Variants in CCDC7 observed in about 807,000 individuals in gnomAD.
CCDC7 encodes coiled-coil domain containing 7.
A neutral mutation model predicts 196.9 loss-of-function variants in CCDC7; 183 were observed. The ratio of observed to expected loss-of-function variants is 0.93; its 90% CI spans 0.82 to 1.05. The LOEUF (loss-of-function observed/expected upper bound fraction) is 1.05, where lower values mean the gene tolerates loss of function less well. Among genes scored for constraint, CCDC7 ranks in the 50% least tolerant of loss-of-function variants. The pLI, the probability that CCDC7 is intolerant of heterozygous loss-of-function variation, is 0.00. For missense variants in CCDC7, 1,540 were observed against 1,482.2 expected, an observed-to-expected ratio of 1.04 and a Z score of -0.64; for synonymous variants, 525 against 484.6, an observed-to-expected ratio of 1.08 and a Z score of -1.10.
chr10:32,879,083 A>G (rs1192068697), downstream of CCDC7, among the ~76,000 whole-genome samples: 1 of 152,026 alleles, frequency 6.6e-6, no homozygotes, highest in African/African-American at 2.4e-5. Flanking sequence ...GTTCTGAGAT[A>G]CATGTGTAGG....
exon 32 of CCDC7, chr10:32,824,545 C>T: frequency 6.2e-7 from 1 of 1,611,650 alleles, no homozygotes; most frequent in Non-Finnish European, 8.5e-7. Flanking sequence ...CATAGTACAA[C>T]TGAGAGAGGT....
At chr10:32,475,093 G>C (rs1269850470) in intron 8 of CCDC7, among the ~76,000 whole-genome samples, 1 of 152,146 alleles carries the variant, frequency 6.6e-6, no homozygotes, top group Non-Finnish European at 1.5e-5. Flanking sequence ...TATACATCGA[G>C]GGGAATCCTT....
At chr10:32,858,288 G>A (rs547679523) in intron 41 of CCDC7, among the ~76,000 whole-genome samples, 15 of 152,212 alleles carry the variant, frequency 9.9e-5, no homozygotes, top group South Asian at 2.1e-4. Flanking sequence ...TTTCAAACAC[G>A]TTTTATGAGG....
chr10:32,780,114 A>G (rs1326434525), intron 29 of CCDC7, among the ~76,000 whole-genome samples: 1 of 152,126 alleles, frequency 6.6e-6, no homozygotes, highest in Admixed American at 6.6e-5. Context: ...GTACACGCCT[A>G]TAGTCCCAGC....
chr10:32,564,884 G>A (rs1187681309), intron 13 of CCDC7, among the ~76,000 whole-genome samples: 2 of 152,186 alleles, frequency 1.3e-5, no homozygotes, highest in African/African-American at 2.4e-5. Context: ...GGCTGAGGCA[G>A]GAGGATGGCT....
intron 21 of CCDC7, among the ~76,000 whole-genome samples, chr10:32,673,364 TGG>T (rs1373556511): frequency 3.3e-5 from 5 of 152,116 alleles, no homozygotes; most frequent in Admixed American, 6.6e-5. Flanking sequence ...TACATCACTT[TGG>T]GTAGTATGGG....
chr10:32,459,687 T>C (rs2035206194), intron 3 of CCDC7, among the ~76,000 whole-genome samples: 1 of 126,020 alleles, frequency 7.9e-6, no homozygotes, highest in Non-Finnish European at 1.7e-5. Flanking sequence ...GTTAGCACTC[T>C]TCAAATACCC....
intron 21 of CCDC7, among the ~76,000 whole-genome samples, chr10:32,670,239 T>C (rs2073787182): frequency 6.6e-6 from 1 of 152,114 alleles, no homozygotes; most frequent in African/African-American, 2.4e-5. Context: ...TGAGGCTGTG[T>C]CTTAATGAAT....
At chr10:32,515,537 C>T (rs1564519326) in intron 9 of CCDC7, among the ~76,000 whole-genome samples, 1 of 151,926 alleles carries the variant, frequency 6.6e-6, no homozygotes, top group African/African-American at 2.4e-5. Context: ...GGCTGGATTA[C>T]TTATTTTTAT....
chr10:32,681,580 G>A (rs1009795782), intron 21 of CCDC7, among the ~76,000 whole-genome samples: 2 of 152,114 alleles, frequency 1.3e-5, no homozygotes, highest in Admixed American at 6.6e-5. Flanking sequence ...TACCTCCTAT[G>A]CCTGCAGTAC....
chr10:32,714,739 A>G (rs1326183703), intron 25 of CCDC7, among the ~76,000 whole-genome samples: 2 of 152,120 alleles, frequency 1.3e-5, no homozygotes, highest in East Asian at 3.9e-4. Flanking sequence ...CTGAGGCTTG[A>G]GTAGGTGGTT....
At chr10:32,678,298 G>C (rs923304567) in intron 21 of CCDC7, among the ~76,000 whole-genome samples, 2 of 152,082 alleles carry the variant, frequency 1.3e-5, no homozygotes, top group African/African-American at 4.8e-5. Flanking sequence ...ATCCCGTGGG[G>C]TTGTATTGCC....
chr10:32,819,861 A>C (rs1180709497), intron 31 of CCDC7, among the ~76,000 whole-genome samples: 4 of 152,358 alleles, frequency 2.6e-5, no homozygotes, highest in Non-Finnish European at 4.4e-5. Flanking sequence ...CCAATATCAT[A>C]CTGAATGGGC....
intron 36 of CCDC7, 145 bp from the exon 38 acceptor site, chr10:32,846,228 GTTA>G (rs2093286567): frequency 1.6e-6 from 1 of 616,164 alleles, no homozygotes; most frequent in South Asian, 2.2e-5. Context: ...GTGTCTACAT[GTTA>G]TTATTACATA....
intron 25 of CCDC7, among the ~76,000 whole-genome samples, chr10:32,719,836 T>C (rs1299524183): frequency 6.6e-6 from 1 of 152,110 alleles, no homozygotes; most frequent in East Asian, 1.9e-4. Flanking sequence ...CTCACATCAA[T>C]TAGAATGGTG....
chr10:32,563,555 T>C (rs1027982854), intron 13 of CCDC7, among the ~76,000 whole-genome samples: 4 of 152,164 alleles, frequency 2.6e-5, no homozygotes, highest in Admixed American at 6.5e-5. Context: ...GGGGAAAGGA[T>C]TCCCTATTTA....
chr10:32,660,246 G>A (rs1343007350), intron 20 of CCDC7, among the ~76,000 whole-genome samples: 2 of 144,084 alleles, frequency 1.4e-5, no homozygotes, highest in African/African-American at 2.6e-5. Context: ...TCTAGCATTA[G>A]GTATATCTCC....
intron 18 of CCDC7, among the ~76,000 whole-genome samples, chr10:32,608,642 G>A (rs2138643313): frequency 6.6e-6 from 1 of 152,252 alleles, no homozygotes; most frequent in African/African-American, 2.4e-5. Flanking sequence ...CCAGGCTGAA[G>A]CAATTCTCTT....
chr10:32,564,649 TGTG>T (rs2056449038), intron 13 of CCDC7, among the ~76,000 whole-genome samples: 1 of 133,744 alleles, frequency 7.5e-6, no homozygotes, highest in African/African-American at 2.9e-5. Context: ...TGGGGACTGT[TGTG>T]GGGTGGGGGG....
Sources: allele counts gnomAD v4.1 joint callset (sites outside exome capture counted in the v4.1 genomes callset), GRCh38; gene constraint gnomAD v4.1.1; transcripts MANE v1.5; gene names NCBI Gene and HGNC (gene_info 2026-07-23, HGNC 2026-07-21).